The following JMJD1C variants were observed in gnomAD, a reference collection of about 807,000 sequenced individuals.
JMJD1C encodes jumonji domain-containing protein 1C.
Under a neutral mutation model 245.3 loss-of-function variants are expected in JMJD1C, and 31 were observed. The observed-to-expected ratio is 0.13, with a 90% CI of 0.09 to 0.17. JMJD1C has a LOEUF of 0.17. JMJD1C is among the 10% of genes least tolerant of loss of function. The probability of loss-of-function intolerance (pLI) is 1.00; values close to 1 mark genes in which losing one functional copy is unlikely to be tolerated. For missense variants in JMJD1C, 2,691 were observed against 3,000.2 expected, an observed-to-expected ratio of 0.90 and a Z score of 2.41; for synonymous variants, 1,057 against 1,017.4, an observed-to-expected ratio of 1.04 and a Z score of -0.74.
intron 2 of JMJD1C, among the ~76,000 whole-genome samples, chr10:63,352,726 T>C (rs1468541380): frequency 2.0e-5 from 3 of 150,720 alleles, no homozygotes; most frequent in African/African-American, 4.9e-5. Context: ...GTAAAAATAA[T>C]ATACAGTTGA....
chr10:63,373,571 G>C (rs1946482504), intron 2 of JMJD1C, among the ~76,000 whole-genome samples: 1 of 152,002 alleles, frequency 6.6e-6, no homozygotes, highest in Non-Finnish European at 1.5e-5. Flanking sequence ...CACGAGGAGT[G>C]AAACAACTAG....
chr10:63,338,640 ATTTTTTTT>A lies in JMJD1C; in HGVS notation c.333+41670_333+41677del, dbSNP rs34238197. ...AATCAAATATCTTTCTGCTCCTTAGATTTTTTTTTTTTTTTTTTTTTTTTTGAGATAGA... is the reference window on the plus strand; with the variant it reads ...AATCAAATATCTTTCTGCTCCTTAGATTTTTTTTTTTTTTTTTGAGATAGA... On this transcript the variant is annotated intron_variant, in intron 2 of 25. Transcript: ENST00000399262. Among the ~76,000 whole-genome samples, 45 of 95,126 alleles carry A rather than the reference ATTTTTTTT, an allele frequency of 4.7e-4. 1 individual carries two copies. The highest frequency in any genetic ancestry group is 1.8e-3 in the African/African-American group (42 of 23,756). 62.4% of individuals were successfully genotyped at this position (95,126 alleles called of 152,430 possible).
At chr10:63,256,640 G>C (rs1853972059) in intron 3 of JMJD1C, among the ~76,000 whole-genome samples, 1 of 152,150 alleles carries the variant, frequency 6.6e-6, no homozygotes, top group Non-Finnish European at 1.5e-5. Context: ...GCTGTTTCCT[G>C]TTCTGGCCTC....
intron 2 of JMJD1C, among the ~76,000 whole-genome samples, chr10:63,298,135 T>C (rs1211210439): frequency 2.6e-5 from 4 of 152,144 alleles, no homozygotes; most frequent in African/African-American, 9.7e-5. Context: ...CTGTGCACAG[T>C]GATTGGACCC....
intron 3 of JMJD1C, among the ~76,000 whole-genome samples, chr10:63,236,672 C>T (rs1022011090): frequency 5.9e-5 from 9 of 152,114 alleles, no homozygotes; most frequent in Non-Finnish European, 1.2e-4. Flanking sequence ...TAATATTTTC[C>T]AAAGTAGTAA....
In JMJD1C at chr10:63,444,730, A is replaced by G. The variant is rs1009405662; in HGVS notation, c.168+20765T>C. Among the ~76,000 whole-genome samples, 3 of 150,190 alleles carry G rather than the reference A, an allele frequency of 2.0e-5. No homozygotes were observed. In the Admixed American group the frequency reaches 2.0e-4, roughly 10 times the overall value. ...AACCTCCGCCTCCTGAGTTCAAGTG[A>G]TTCTCCTGCCTCAGCCTCCTGAGAA... is the stretch of plus-strand genomic sequence containing the variant. On this transcript the variant is annotated intron_variant, in intron 1 of 25. Coordinates refer to ENST00000399262, the MANE Select transcript of JMJD1C (RefSeq NM_032776.3).
intron 2 of JMJD1C, among the ~76,000 whole-genome samples, chr10:63,284,099 C>T (rs1479028267): frequency 2.0e-5 from 3 of 151,862 alleles, no homozygotes; most frequent in Non-Finnish European, 2.9e-5. Context: ...AATCTTGGCT[C>T]ACTGCAACCT....
At chr10:63,470,295 C>G (rs1261380543), upstream of JMJD1C, among the ~76,000 whole-genome samples, 1 of 150,620 alleles carries the variant, frequency 6.6e-6, no homozygotes, top group East Asian at 1.9e-4. Flanking sequence ...ATGAATATAG[C>G]AAAATGTACC....
intron 24 of JMJD1C, among the ~76,000 whole-genome samples, chr10:63,173,960 TAAGA>T (rs1367702954): frequency 6.6e-6 from 1 of 152,058 alleles, no homozygotes; most frequent in Non-Finnish European, 1.5e-5. Context: ...GTTTAGTCAT[TAAGA>T]AAGTACAAAG....
At chr10:63,257,269 G>T (rs1222617527) in intron 3 of JMJD1C, among the ~76,000 whole-genome samples, 1 of 150,632 alleles carries the variant, frequency 6.6e-6, no homozygotes, top group Non-Finnish European at 1.5e-5. Flanking sequence ...AAGAAAAAGA[G>T]AATAGAAAGT....
chr10:63,475,391 C>T (rs1953628750), intron 1 of JMJD1C, among the ~76,000 whole-genome samples: 1 of 152,148 alleles, frequency 6.6e-6, no homozygotes, highest in African/African-American at 2.4e-5. Flanking sequence ...AGATCTAATT[C>T]CATGAAAATA....
chr10:63,517,693 A>G (rs1955063542), intron 1 of JMJD1C, among the ~76,000 whole-genome samples: 1 of 152,100 alleles, frequency 6.6e-6, no homozygotes, highest in Admixed American at 6.5e-5. Flanking sequence ...AGACCACACT[A>G]TAAAAGCTTC....
chr10:63,400,361 A>T (rs1175751180), intron 1 of JMJD1C, among the ~76,000 whole-genome samples: 2 of 152,116 alleles, frequency 1.3e-5, no homozygotes, highest in Admixed American at 6.5e-5. Context: ...ACAACATGTG[A>T]GTGTGTCCAT....
At chr10:63,276,974 C>T (rs916690054) in intron 2 of JMJD1C, among the ~76,000 whole-genome samples, 1 of 133,132 alleles carries the variant, frequency 7.5e-6, no homozygotes, top group Non-Finnish European at 1.5e-5. Context: ...CTCTGCCTCC[C>T]GGGTTCATGC....
chr10:63,173,513 GGAGT>G (rs1250705057), intron 24 of JMJD1C, among the ~76,000 whole-genome samples: 1 of 152,180 alleles, frequency 6.6e-6, no homozygotes, highest in African/African-American at 2.4e-5. Context: ...CCTGAGCTTA[GGAGT>G]TCGAGACCAG....
At chr10:63,383,092 T>C (rs1456090541) in intron 1 of JMJD1C, among the ~76,000 whole-genome samples, 1 of 152,148 alleles carries the variant, frequency 6.6e-6, no homozygotes, top group African/African-American at 2.4e-5. Flanking sequence ...ATAAAGTTTT[T>C]AATTAACATT....
chr10:63,383,495 T>C (rs1390600591), intron 1 of JMJD1C, among the ~76,000 whole-genome samples: 3 of 151,990 alleles, frequency 2.0e-5, no homozygotes, highest in Non-Finnish European at 4.4e-5. Context: ...ACTCAGGAGT[T>C]CAAGACCAGC....
intron 1 of JMJD1C, among the ~76,000 whole-genome samples, chr10:63,490,501 C>T (rs535150127): frequency 2.6e-5 from 4 of 151,940 alleles, no homozygotes; most frequent in South Asian, 2.1e-4. Context: ...CCGCAACCTC[C>T]GCCTCCTAGG....
chr10:63,217,485 G>T (rs1848127124), intron 4 of JMJD1C, among the ~76,000 whole-genome samples, 154 bp from the exon 5 acceptor site: 1 of 152,068 alleles, frequency 6.6e-6, no homozygotes, highest in Non-Finnish European at 1.5e-5. Context: ...CCTTTCAAAT[G>T]AATCATTCTG....
Sources: gnomAD v4.1 joint callset for allele counts (sites outside exome capture counted in the v4.1 genomes callset) on GRCh38, gnomAD v4.1.1 for gene constraint, MANE v1.5 for transcripts, NCBI Gene and HGNC (gene_info 2026-07-23, HGNC 2026-07-21) for gene names.